Variants in ZNF804B observed in about 807,000 individuals in gnomAD.
ZNF804B encodes zinc finger 804B.
In ZNF804B, 80 loss-of-function variants were observed where a neutral mutation model predicts 101.4. The ratio of observed to expected loss-of-function variants is 0.79; its 90% CI spans 0.66 to 0.95. The LOEUF (loss-of-function observed/expected upper bound fraction) is 0.95. ZNF804B is among the 40% of genes least tolerant of loss of function. The probability of loss-of-function intolerance (pLI) is 0.00; values close to 1 mark genes in which losing one functional copy is unlikely to be tolerated. For missense variants in ZNF804B, 1,673 were observed against 1,561.9 expected, an observed-to-expected ratio of 1.07 and a Z score of -1.20; for synonymous variants, 622 against 558.8, an observed-to-expected ratio of 1.11 and a Z score of -1.59.
At chr7:88,788,010 A>G (rs1790327380) in intron 1 of ZNF804B, among the ~76,000 whole-genome samples, 1 of 152,104 alleles carries the variant, frequency 6.6e-6, no homozygotes, top group Non-Finnish European at 1.5e-5. Context: ...ATAATTTTTG[A>G]ATTTCTGACT....
intron 1 of ZNF804B, among the ~76,000 whole-genome samples, chr7:89,048,712 A>T (rs1004023495): frequency 1.3e-5 from 2 of 151,960 alleles, no homozygotes; most frequent in East Asian, 3.9e-4. Context: ...GACTGTTTAT[A>T]TAATTTTTTG....
At chr7:88,766,661 T>C (rs577588714) in intron 1 of ZNF804B, among the ~76,000 whole-genome samples, 1 of 152,330 alleles carries the variant, frequency 6.6e-6, no homozygotes, top group Non-Finnish European at 1.5e-5. Context: ...CAGCTCTGAT[T>C]CTATTTCCAA....
chr7:89,069,616 T>C (rs183457663), intron 1 of ZNF804B, among the ~76,000 whole-genome samples: 3 of 152,286 alleles, frequency 2.0e-5, no homozygotes, highest in Non-Finnish European at 4.4e-5. Context: ...TTATGAACAT[T>C]ATCTTAATGG....
chr7:88,888,130 CG>C (rs1792160890), intron 1 of ZNF804B, among the ~76,000 whole-genome samples: 1 of 152,088 alleles, frequency 6.6e-6, no homozygotes, highest in African/African-American at 2.4e-5. Context: ...TGGTGGCTCA[CG>C]CCTGTAATCC....
Position 88,910,041 on chromosome 7 carries a change from C to T in ZNF804B, c.108+149957C>T, listed in dbSNP as rs115462094. ...AGAACATAAAACATGTATATATTAT[C>T]ATGAGATACATTATAACTATTATAA... On this transcript the variant is annotated intron_variant, in intron 1 of 3. Coordinates refer to ENST00000333190, the MANE Select transcript of ZNF804B (RefSeq NM_181646.5). Among the ~76,000 whole-genome samples the T allele has an allele frequency of 9.6e-3, 1,456 of 151,830 alleles. 22 individuals carry two copies. The highest frequency in any genetic ancestry group is 0.033 in the African/African-American group (1,357 of 41,486).
intron 2 of ZNF804B, among the ~76,000 whole-genome samples, chr7:89,309,074 A>C (rs1458298252): frequency 6.6e-6 from 1 of 152,170 alleles, no homozygotes; most frequent in Non-Finnish European, 1.5e-5. Context: ...TAGGTTTCTA[A>C]TGATCCCATC....
intron 1 of ZNF804B, among the ~76,000 whole-genome samples, chr7:88,799,630 T>C (rs1192510748): frequency 2.0e-5 from 3 of 152,088 alleles, no homozygotes; most frequent in Admixed American, 6.6e-5. Flanking sequence ...CTCATTTGTC[T>C]CAGATTTATT....
At chr7:88,787,671 C>T (rs962099796) in intron 1 of ZNF804B, among the ~76,000 whole-genome samples, 7 of 152,102 alleles carry the variant, frequency 4.6e-5, no homozygotes, top group Non-Finnish European at 1.5e-5. Flanking sequence ...AAATACAGAT[C>T]CTGTTATCAC....
intron 1 of ZNF804B, among the ~76,000 whole-genome samples, chr7:88,985,358 A>G (rs775458680): frequency 3.6e-4 from 54 of 152,110 alleles, no homozygotes; most frequent in Non-Finnish European, 6.3e-4. Context: ...TTTTGAAAAC[A>G]TAAATTTATT....
At chr7:89,007,785 A>G (rs189981200) in intron 1 of ZNF804B, among the ~76,000 whole-genome samples, 151 of 151,322 alleles carry the variant, frequency 1.0e-3, no homozygotes, top group Non-Finnish European at 1.5e-3. Flanking sequence ...TATTTAACTC[A>G]TTAATTAATA....
At chr7:88,831,267 A>G (rs1051123783) in intron 1 of ZNF804B, among the ~76,000 whole-genome samples, 2 of 151,858 alleles carry the variant, frequency 1.3e-5, no homozygotes, top group South Asian at 2.1e-4. Context: ...CCTACTTTCT[A>G]TTGCTAAGGA....
intron 1 of ZNF804B, among the ~76,000 whole-genome samples, chr7:89,141,618 C>T (rs10236880): frequency 0.6 from 90,974 of 151,682 alleles, 27,673 homozygotes; most frequent in African/African-American, 0.71. Flanking sequence ...CTATGTTTAA[C>T]TTTTTTGAGG....
chr7:89,310,085 CA>C (rs35079487), intron 2 of ZNF804B, among the ~76,000 whole-genome samples: 35,078 of 122,868 alleles, frequency 0.29, 4,136 homozygotes, highest in Admixed American at 0.34. Context: ...GTTTTTAAGG[CA>C]AAAAAAAAAA....
In ZNF804B at chr7:89,000,399, G is replaced by T. The variant is rs1254023182; in HGVS notation, c.109-217756G>T. 2.6e-5 allele frequency among the ~76,000 whole-genome samples: 4 copies of T among 151,824 alleles called. No individual in the cohort carries two copies. The East Asian group carries it at 7.7e-4, about 29-fold the overall frequency. On this transcript the variant is annotated intron_variant, in intron 1 of 3. Coordinates refer to ENST00000333190, the MANE Select transcript of ZNF804B (RefSeq NM_181646.5). ...GTGAAAGGTAATGTCCTAGTAATTT[G>T]GTTATTTCAGTACATCAGGTGTTTA...
intron 1 of ZNF804B, among the ~76,000 whole-genome samples, chr7:88,912,331 G>A (rs1792560507): frequency 6.6e-6 from 1 of 151,842 alleles, no homozygotes; most frequent in Non-Finnish European, 1.5e-5. Context: ...TCATTAGAGA[G>A]GTACAGGAAA....
At chr7:89,114,035 T>C (rs1790271442) in intron 1 of ZNF804B, among the ~76,000 whole-genome samples, 1 of 152,048 alleles carries the variant, frequency 6.6e-6, no homozygotes, top group Non-Finnish European at 1.5e-5. Flanking sequence ...TCTCAAGCAA[T>C]TAATAAGTAA....
At chr7:88,886,542 A>G (rs1010833415) in intron 1 of ZNF804B, among the ~76,000 whole-genome samples, 13 of 152,148 alleles carry the variant, frequency 8.5e-5, no homozygotes, top group African/African-American at 3.1e-4. Flanking sequence ...GATAAAGAAC[A>G]TTTTATTTTC....
intron 1 of ZNF804B, among the ~76,000 whole-genome samples, chr7:89,016,462 T>C (rs1788560611): frequency 6.6e-6 from 1 of 151,852 alleles, no homozygotes. Flanking sequence ...AGGGTTTTTA[T>C]GGTTTTAGGT....
At chr7:88,923,675 A>G (rs1792755242) in intron 1 of ZNF804B, among the ~76,000 whole-genome samples, 1 of 152,078 alleles carries the variant, frequency 6.6e-6, no homozygotes, top group Non-Finnish European at 1.5e-5. Context: ...ATAATGATTA[A>G]TTCTGTCATC....
Sources: gnomAD v4.1 joint callset for allele counts (sites outside exome capture counted in the v4.1 genomes callset) on GRCh38, gnomAD v4.1.1 for gene constraint, MANE v1.5 for transcripts, NCBI Gene and HGNC (gene_info 2026-07-23, HGNC 2026-07-21) for gene names.